Variants in DIP2C observed in about 807,000 individuals in gnomAD.
DIP2C encodes disco-interacting protein 2 homolog C.
A neutral mutation model predicts 192.4 loss-of-function variants in DIP2C; 33 were observed. The ratio of observed to expected loss-of-function variants is 0.17; its 90% CI spans 0.13 to 0.23. DIP2C has a LOEUF of 0.23. Ranked by LOEUF, DIP2C falls within the 10% of genes least tolerant of loss-of-function variation. The pLI is 1.00. For synonymous variants in DIP2C, 979 were observed against 864.1 expected (o/e 1.13, Z -2.33); for missense variants, 1,537 against 2,110.1 (o/e 0.73, Z 5.32).
At chr10:290,613 C>T (rs890813978) in intron 32 of DIP2C, among the ~76,000 whole-genome samples, 3 of 152,208 alleles carry the variant, frequency 2.0e-5, no homozygotes, top group South Asian at 2.1e-4. Context: ...GCCAGCGAAC[C>T]GTGGGCTTCA....
intron 2 of DIP2C, chr10:484,784 A>C (rs1301249717): frequency 6.2e-7 from 1 of 1,610,552 alleles, no homozygotes; most frequent in African/African-American, 1.3e-5. Context: ...CGCTCACCGA[A>C]ACGAAAGTAA....
At chr10:658,817 G>A (rs1378418708) in intron 1 of DIP2C, among the ~76,000 whole-genome samples, 1 of 152,190 alleles carries the variant, frequency 6.6e-6, no homozygotes, top group Non-Finnish European at 1.5e-5. Flanking sequence ...CATCAGGCGT[G>A]TTTACCTAAT....
At chr10:419,013 G>A (rs373296132) in intron 6 of DIP2C, 52 bp downstream of exon 6, 88 of 1,612,310 alleles carry the variant, frequency 5.5e-5, no homozygotes, top group African/African-American at 4.1e-4. Flanking sequence ...GGAACGGGAC[G>A]TCAGCACAAA....
chr10:527,457 A>T (rs951069211), intron 1 of DIP2C, among the ~76,000 whole-genome samples: 3 of 152,230 alleles, frequency 2.0e-5, no homozygotes, highest in Middle Eastern at 6.3e-3. Flanking sequence ...AAATTTTAAA[A>T]TTAGAGCAAA....
chr10:494,225 G>A (rs1297631914), intron 1 of DIP2C, among the ~76,000 whole-genome samples: 2 of 152,210 alleles, frequency 1.3e-5, no homozygotes, highest in Non-Finnish European at 2.9e-5. Flanking sequence ...ACAGCAGAAA[G>A]AAGTGGGCTA....
chr10:387,314 C>T lies in DIP2C; in HGVS notation c.1662+431G>A, dbSNP rs1404978648. 5.3e-5 allele frequency among the ~76,000 whole-genome samples: 8 copies of T among 152,212 alleles called. No individual in the cohort carries two copies. In the East Asian group the frequency reaches 1.3e-3, roughly 26 times the overall value. ...GGCTTTGTGGTGCAGTTGTGAACCA[C>T]GTTAGTGGACAACCTCGGTCTTCTA... On this transcript the variant is annotated intron_variant, in intron 14 of 36. Coordinates refer to ENST00000280886, the MANE Select transcript of DIP2C (RefSeq NM_014974.3).
intron 1 of DIP2C, among the ~76,000 whole-genome samples, chr10:590,774 A>G (rs149546816): frequency 2.6e-3 from 398 of 152,332 alleles, no homozygotes; most frequent in Non-Finnish European, 4.4e-3. Flanking sequence ...TGAAACTCAA[A>G]TATCTTACAG....
At chr10:284,076 C>T (rs887347011) in intron 34 of DIP2C, among the ~76,000 whole-genome samples, 19 of 152,302 alleles carry the variant, frequency 1.2e-4, no homozygotes, top group Non-Finnish European at 2.2e-4. Flanking sequence ...AGTGAAGTTC[C>T]ACAGATGCCC....
chr10:329,507 G>T lies in DIP2C; in HGVS notation c.3679C>A (p.Arg1227=). 6 of 1,614,158 alleles carry T rather than the reference G, an allele frequency of 3.7e-6. No individual in the cohort carries two copies. The highest frequency in any genetic ancestry group is 3.4e-6 in the Non-Finnish European group (4 of 1,180,024). The change falls in exon 30 of 37, where the codon CGA becomes AGA. Residue 1227 remains arginine, a synonymous_variant. Transcript: ENST00000280886. ...ACGGAGTAGGAGCAAAACGTGTCTC[G>T]GACTTTGTACTGACTCACGGCAAGA... ...WLLAVSQYKV[R]DTFCSYSVME... is the part of the protein sequence containing the mutation.
intron 4 of DIP2C, among the ~76,000 whole-genome samples, chr10:434,128 C>G (rs1966981972): frequency 1.3e-5 from 2 of 152,190 alleles, no homozygotes; most frequent in Admixed American, 1.3e-4. Flanking sequence ...CCTTGTATCA[C>G]TGCTGTCATT....
At chr10:278,224 C>T (rs141698414) in intron 36 of DIP2C, among the ~76,000 whole-genome samples, 46 of 146,286 alleles carry the variant, frequency 3.1e-4, no homozygotes, top group South Asian at 1.1e-3. Context: ...TCTGTGCACC[C>T]GAGTCCAGCT....
In DIP2C at chr10:418,257, C is replaced by T. The variant is rs1406772427; in HGVS notation, c.739+808G>A. Reference sequence around the variant, plus strand: ...CTTCGATAGGCCTCCCTGTTCACTGCACCTGTCAGGCCTCAGATAGGCATC... The same window carrying T: ...CTTCGATAGGCCTCCCTGTTCACTGTACCTGTCAGGCCTCAGATAGGCATC... On this transcript the variant is annotated intron_variant, in intron 6 of 36. Transcript: ENST00000280886. Among the ~76,000 whole-genome samples, 28 of 133,486 alleles carry T rather than the reference C, an allele frequency of 2.1e-4. 2 individuals carry two copies. Among genetic ancestry groups the T allele is most frequent in the African/African-American group, 6.9e-4 (24 of 34,976 alleles). 87.6% of individuals were successfully genotyped at this position (133,486 alleles called of 152,430 possible). A position where few individuals can be genotyped will look rare whatever the true frequency, so the allele number is the denominator to read the frequency against.
chr10:430,321 ACCT>A (rs1176368096), intron 4 of DIP2C: 1 of 152,118 alleles, frequency 6.6e-6, no homozygotes, highest in Non-Finnish European at 1.5e-5. Context: ...AGGAATTCTG[ACCT>A]CCTCCATTTC....
intron 1 of DIP2C, among the ~76,000 whole-genome samples, chr10:681,724 GTTAT>G (rs1372928196): frequency 6.6e-6 from 1 of 152,268 alleles, no homozygotes; most frequent in Admixed American, 6.5e-5. Context: ...TCTCTAAAGT[GTTAT>G]TTGTTTTATG....
intron 13 of DIP2C, among the ~76,000 whole-genome samples, chr10:389,085 C>A (rs1391225767): frequency 8.6e-6 from 1 of 116,124 alleles, no homozygotes; most frequent in African/African-American, 5.3e-5. Context: ...CATGGGGGTT[C>A]TCTGGGGGTT....
At chr10:628,672 T>C (rs1854334340) in intron 1 of DIP2C, 1 of 152,544 alleles carries the variant, frequency 6.6e-6, no homozygotes, top group East Asian at 1.9e-4. Flanking sequence ...AGGCAGTGCT[T>C]TGAGCTCTAA....
chr10:612,944 G>A (rs911391147), intron 1 of DIP2C, among the ~76,000 whole-genome samples: 3 of 152,104 alleles, frequency 2.0e-5, no homozygotes, highest in Non-Finnish European at 4.4e-5. Flanking sequence ...AAGGGATCCG[G>A]CCCCCCTCCC....
intron 2 of DIP2C, among the ~76,000 whole-genome samples, chr10:474,708 C>G (rs1447252916): frequency 6.6e-6 from 1 of 152,224 alleles, no homozygotes; most frequent in Non-Finnish European, 1.5e-5. Context: ...GAAAGTGCTT[C>G]TCTTTCTACC....
intron 1 of DIP2C, among the ~76,000 whole-genome samples, chr10:608,084 C>T (rs1044263079): frequency 1.3e-5 from 2 of 150,064 alleles, no homozygotes; most frequent in African/African-American, 4.9e-5. Flanking sequence ...GATCTACCTC[C>T]CTCTCATAAC....
Sources: allele counts gnomAD v4.1 joint callset (sites outside exome capture counted in the v4.1 genomes callset), GRCh38; gene constraint gnomAD v4.1.1; transcripts MANE v1.5; gene names NCBI Gene and HGNC (gene_info 2026-07-23, HGNC 2026-07-21).